Variants in GET1 observed in about 807,000 individuals in gnomAD.
GET1 encodes the protein congenital heart disease 5 protein.
GET1 carries 20 observed loss-of-function variants against 22.6 expected under a neutral mutation model. The observed-to-expected ratio is 0.89, with a 90% confidence interval of 0.62 to 1.29. GET1 has a LOEUF of 1.29. Among genes scored for constraint, GET1 ranks in the 50% most tolerant of loss-of-function variants. The probability of loss-of-function intolerance (pLI) is 0.00; values close to 1 mark genes in which losing one functional copy is unlikely to be tolerated. For missense variants in GET1, 209 were observed against 219.9 expected (o/e 0.95, Z 0.31); for synonymous variants, 92 against 83.8 (o/e 1.10, Z -0.53).
At chr21:39,393,141 T>C in intron 3 of GET1, 25 bp from the exon 4 acceptor site, 1 of 1,597,916 alleles carries the variant, frequency 6.3e-7, no homozygotes, top group Non-Finnish European at 8.6e-7. Context: ...GCAGGCTGCT[T>C]TGCTCACCAG....
At chr21:39,392,002 A>G (rs2038332008) in intron 3 of GET1, 166 bp downstream of exon 3, 2 of 618,356 alleles carry the variant, frequency 3.2e-6, no homozygotes, top group Non-Finnish European at 5.6e-6. Context: ...TCTAAGTCAG[A>G]CTAAAAGGAA....
downstream of GET1, chr21:39,410,350 C>A (rs1428751996): frequency 6.2e-7 from 1 of 1,600,196 alleles, no homozygotes; most frequent in South Asian, 1.1e-5. Context: ...TCTGCTTGGA[C>A]TGATTTTGTT....
intron 1 of GET1, chr21:39,422,835 A>G: frequency 6.4e-6 from 5 of 780,512 alleles, no homozygotes; most frequent in Non-Finnish European, 1.0e-5. Flanking sequence ...CCTCTATTAG[A>G]CAACATAATT....
intron 1 of GET1, chr21:39,423,598 A>C: frequency 1.1e-6 from 1 of 900,398 alleles, no homozygotes; most frequent in East Asian, 2.6e-5. Context: ...CACCACACAC[A>C]TACACACAAG....
intron 1 of GET1, among the ~76,000 whole-genome samples, chr21:39,389,682 T>G (rs1051162245): frequency 6.6e-5 from 10 of 152,144 alleles, no homozygotes; most frequent in African/African-American, 2.4e-4. Flanking sequence ...GGCTGCCCTT[T>G]CTTGGGGACC....
intron 1 of GET1, among the ~76,000 whole-genome samples, chr21:39,389,388 C>G (rs1005522752): frequency 2.6e-5 from 4 of 152,000 alleles, no homozygotes; most frequent in African/African-American, 7.3e-5. Context: ...TACAAGAGAT[C>G]CTCCCACCCC....
chr21:39,386,656 A>T (rs920509636), intron 1 of GET1: 2 of 152,132 alleles, frequency 1.3e-5, no homozygotes, highest in Admixed American at 6.6e-5. Context: ...GCTGGCAGGG[A>T]CTAGCACGGG....
In GET1 at chr21:39,396,882, C is replaced by A. The variant is rs1307618790; in HGVS notation, c.468C>A (p.Thr156=). ...PTRVAGGVGI[T]CWILVCNKVV... is the part of the protein sequence containing the mutation. ...TGTTTTCAGGTGGTGTTGGAATTACCTGTTGGATTTTAGTCTGTAACAAAG... is the reference window on the plus strand; with the variant it reads ...TGTTTTCAGGTGGTGTTGGAATTACATGTTGGATTTTAGTCTGTAACAAAG... Residue 156 remains threonine (T), a synonymous_variant, in exon 5 of 5, where the codon ACC becomes ACA. Coordinates refer to ENST00000649170, the MANE Select transcript of GET1 (RefSeq NM_004627.6). 3 of 1,613,964 alleles carry A rather than the reference C, an allele frequency of 1.9e-6. No homozygotes were observed. The highest frequency in any genetic ancestry group is 1.6e-4 in the Middle Eastern group (1 of 6,062).
At chr21:39,403,341 G>A (rs4816624) in intron 4 of GET1, among the ~76,000 whole-genome samples, 127,940 of 152,202 alleles carry the variant, frequency 0.84, 53,835 homozygotes, top group African/African-American at 0.86. Context: ...TAATTAATTA[G>A]TTTGACACGG....
intron 4 of GET1, among the ~76,000 whole-genome samples, chr21:39,396,541 GC>G (rs545784390): frequency 3.3e-4 from 49 of 150,134 alleles, no homozygotes; most frequent in Non-Finnish European, 6.2e-4. Flanking sequence ...AAAAAAATTA[GC>G]CAGGTGTGGT....
chr21:39,384,232 G>C (rs2037741368), intron 1 of GET1, among the ~76,000 whole-genome samples: 1 of 151,648 alleles, frequency 6.6e-6, no homozygotes, highest in Non-Finnish European at 1.5e-5. Context: ...TTGTTGTTGA[G>C]TTCCTTTTGT....
intron 1 of GET1, among the ~76,000 whole-genome samples, chr21:39,385,071 C>T (rs1008042314): frequency 6.6e-5 from 10 of 152,126 alleles, no homozygotes; most frequent in African/African-American, 2.4e-4. Flanking sequence ...TCACCATCGT[C>T]AGAGGCTACT....
chr21:39,394,390 T>C (rs2038505424), intron 4 of GET1, among the ~76,000 whole-genome samples: 1 of 152,228 alleles, frequency 6.6e-6, no homozygotes, highest in African/African-American at 2.4e-5. Context: ...TGTTTTTCTT[T>C]GCCTTTTTTT....
In GET1 at chr21:39,397,650, A is replaced by C. The variant is rs1033838645; in HGVS notation, c.*711A>C. ...TAAGCATTTAATATTTATGCTCTTT[A>C]GAATGGAACACAGAAAACAAACCTT... On this transcript the variant is annotated 3_prime_UTR_variant, in exon 5 of 5. Coordinates refer to ENST00000649170, the MANE Select transcript of GET1 (RefSeq NM_004627.6). 1 of 148,538 alleles carries C rather than the reference A, an allele frequency of 6.7e-6. No individual in the cohort carries two copies. The highest frequency in any genetic ancestry group is 6.9e-5 in the Admixed American group (1 of 14,550). The allele number at this position is 148,538 out of a possible 1,614,324, so 9.2% of individuals were successfully genotyped here.
chr21:39,390,784 C>T lies in GET1; in HGVS notation c.189C>T (p.Val63=), dbSNP rs752418561. The part of the protein sequence containing the change: ...IQDMKQELST[V]NMMDEFARYA... ...ACATGAAGCAGGAGCTCTCCACAGTCAACATGATGGACGAGTTTGCCAGAT... is the reference window on the plus strand; with the variant it reads ...ACATGAAGCAGGAGCTCTCCACAGTTAACATGATGGACGAGTTTGCCAGAT... The change falls in exon 2 of 5, where the codon GTC becomes GTT. Residue 63 remains valine, a synonymous_variant. Transcript: ENST00000649170. 3.7e-6 allele frequency: 6 copies of T among 1,614,134 alleles called. No individual in the cohort carries two copies. The highest frequency in any genetic ancestry group is 2.7e-5 in the African/African-American group (2 of 75,016).
At position 39,380,402 on chromosome 21, in the gene GET1, C is replaced by G. The variant is rs778575304; in HGVS notation, c.18C>G (p.Ala6=). 6.2e-6 allele frequency: 10 copies of G among 1,610,006 alleles called. No individual in the cohort carries two copies. The highest frequency in any genetic ancestry group is 3.4e-5 in the Admixed American group (2 of 59,678). The change falls in exon 1 of 5, where the codon GCC becomes GCG. Residue 6 remains alanine, a synonymous_variant. Transcript: ENST00000649170. The part of the protein sequence containing the change: MSSAA[A]DHWAWLLVLS... ...CGTCCGGGATGAGCTCAGCCGCGGC[C>G]GACCACTGGGCGTGGTTGCTGGTGC...
intron 1 of GET1, chr21:39,387,866 AGGGGGAG>A: frequency 1.1e-6 from 1 of 890,438 alleles, no homozygotes; most frequent in Non-Finnish European, 1.3e-6. Flanking sequence ...GTAAGCTGGA[AGGGGGAG>A]GGGGGGGGAT....
downstream of GET1, among the ~76,000 whole-genome samples, chr21:39,410,665 G>C (rs1409586849): frequency 6.6e-6 from 1 of 152,148 alleles, no homozygotes; most frequent in Non-Finnish European, 1.5e-5. Context: ...AGGTAGACGT[G>C]TAATTGTGAG....
chr21:39,390,042 G>GTTTTTT (rs553712185), intron 1 of GET1, among the ~76,000 whole-genome samples: 4 of 130,898 alleles, frequency 3.1e-5, no homozygotes, highest in African/African-American at 8.7e-5. Flanking sequence ...TTGAATATGA[G>GTTTTTT]TTTTTTTTTT....
Sources: allele counts gnomAD v4.1 joint callset (sites outside exome capture counted in the v4.1 genomes callset), GRCh38; gene constraint gnomAD v4.1.1; transcripts MANE v1.5; gene names NCBI Gene and HGNC (gene_info 2026-07-23, HGNC 2026-07-21).